Variants in DNAJB4 observed in about 807,000 individuals in gnomAD.
DNAJB4 encodes the protein dnaJ homolog subfamily B member 4.
In DNAJB4, 10 loss-of-function variants were observed where a neutral mutation model predicts 26.6. That is an observed-to-expected ratio of 0.38 (90% CI 0.23 to 0.64). The LOEUF is 0.64. Ranked by LOEUF, DNAJB4 falls within the 30% of genes least tolerant of loss-of-function variation. The probability of loss-of-function intolerance (pLI) is 0.58; values close to 1 mark genes in which losing one functional copy is unlikely to be tolerated. For missense variants in DNAJB4, 328 were observed against 408.2 expected (o/e 0.80, Z 1.69); for synonymous variants, 136 against 134.8 (o/e 1.01, Z -0.06).
At chr1:77,998,837 T>C (rs900816658) in intron 1 of DNAJB4, among the ~76,000 whole-genome samples, 1 of 111,364 alleles carries the variant, frequency 9.0e-6, no homozygotes, top group Non-Finnish European at 2.1e-5. Flanking sequence ...AGTGAGATCC[T>C]GTCTCTAAAT....
chr1:78,001,894 A>G (rs1332777284), upstream of DNAJB4, among the ~76,000 whole-genome samples: 1 of 152,224 alleles, frequency 6.6e-6, no homozygotes, highest in Non-Finnish European at 1.5e-5. Flanking sequence ...ATGTTTGAGT[A>G]GCAAAGTAAA....
intron 1 of DNAJB4, among the ~76,000 whole-genome samples, chr1:78,009,827 T>C (rs1219282357): frequency 6.6e-6 from 1 of 152,180 alleles, no homozygotes; most frequent in Non-Finnish European, 1.5e-5. Context: ...GGTTTCACCA[T>C]GTTGGTCAGG....
intron 1 of DNAJB4, among the ~76,000 whole-genome samples, chr1:77,987,926 A>G (rs1420885460): frequency 6.8e-6 from 1 of 148,130 alleles, no homozygotes; most frequent in Non-Finnish European, 1.5e-5. Context: ...ATATATGTAC[A>G]TATATATACA....
chr1:78,016,079 T>C lies in DNAJB4; in HGVS notation c.846T>C (p.Asn282=), dbSNP rs1189517139. The C allele has an allele frequency of 1.9e-6, 3 of 1,613,936 alleles. No homozygotes were observed. In the Admixed American group the frequency reaches 5.0e-5, roughly 27 times the overall value. Residue 282 remains asparagine, a synonymous_variant, in exon 3 of 3, where the codon AAT becomes AAC. Coordinates refer to ENST00000370763, the MANE Select transcript of DNAJB4 (RefSeq NM_007034.5). The stretch of plus-strand genomic sequence containing the variant: ...GAAGAAACATACCTATGTCAGTAAA[T>C]GATATTGTGAAACCCGGAATGAGGA... ...LDGRNIPMSV[N]DIVKPGMRRR...
At chr1:77,990,298 T>C (rs1415643390) in intron 1 of DNAJB4, among the ~76,000 whole-genome samples, 1 of 152,216 alleles carries the variant, frequency 6.6e-6, no homozygotes. Flanking sequence ...TCTTTGATTC[T>C]TTCCAAAAAT....
chr1:77,989,238 T>C (rs567145563), intron 1 of DNAJB4, among the ~76,000 whole-genome samples: 1 of 152,226 alleles, frequency 6.6e-6, no homozygotes, highest in Non-Finnish European at 1.5e-5. Context: ...CTACTGGTAC[T>C]CTTGGTATCA....
In DNAJB4 at chr1:77,995,643, G is replaced by A. The variant is rs537075702; in HGVS notation, c.-31-9437G>A. Among the ~76,000 whole-genome samples, 7 of 152,210 alleles carry A rather than the reference G, an allele frequency of 4.6e-5. No homozygotes were observed. The East Asian group carries it at 1.2e-3, about 25-fold the overall frequency. On this transcript the variant is annotated intron_variant, in intron 1 of 2. Transcript: ENST00000426517. ...AATCTGTTTTATTTTTTGTAGATACGAGGTCTCACTATGTTGCTCAGCTGG... is the reference window on the plus strand; with the variant it reads ...AATCTGTTTTATTTTTTGTAGATACAAGGTCTCACTATGTTGCTCAGCTGG...
At position 78,013,251 on chromosome 1, in the gene DNAJB4, A is replaced by T. The variant is rs754161604; in HGVS notation, c.412A>T (p.Ser138Cys). The change falls in exon 2 of 3, where the codon AGC becomes TGC. Residue 138 changes from serine to cysteine, a missense_variant. Coordinates refer to ENST00000370763, the MANE Select transcript of DNAJB4 (RefSeq NM_007034.5). Reference sequence around the variant, plus strand: ...TGATCCTTTTAGTGCCTTTGGTTTCAGCATGAATGGATATCCAAGAGACAG... The same window carrying T: ...TGATCCTTTTAGTGCCTTTGGTTTCTGCATGAATGGATATCCAAGAGACAG... Reference protein sequence around the residue: ...DGDPFSAFGFSMNGYPRDRNS... With the variant: ...DGDPFSAFGFCMNGYPRDRNS... The T allele has an allele frequency of 2.5e-6, 4 of 1,614,236 alleles. No individual in the cohort carries two copies. The Admixed American group carries it at 6.7e-5, about 27-fold the overall frequency.
intron 1 of DNAJB4, among the ~76,000 whole-genome samples, chr1:78,008,980 GTTA>G (rs1015476409): frequency 6.6e-6 from 1 of 151,782 alleles, no homozygotes; most frequent in African/African-American, 2.4e-5. Flanking sequence ...TCCTTATTTT[GTTA>G]TTGCATATGA....
chr1:77,987,020 C>G (rs1659807654), intron 1 of DNAJB4, among the ~76,000 whole-genome samples: 1 of 152,188 alleles, frequency 6.6e-6, no homozygotes, highest in Non-Finnish European at 1.5e-5. Flanking sequence ...CCTGCCACAA[C>G]TGCCAATCTT....
At chr1:78,013,869 A>C (rs139995861) in intron 2 of DNAJB4, among the ~76,000 whole-genome samples, 15 of 152,260 alleles carry the variant, frequency 9.9e-5, no homozygotes, top group Admixed American at 5.9e-4. Context: ...GCTTTTACAA[A>C]TGTGGTTTAT....
At chr1:77,993,639 G>T (rs1659991110) in intron 1 of DNAJB4, among the ~76,000 whole-genome samples, 1 of 152,128 alleles carries the variant, frequency 6.6e-6, no homozygotes, top group Middle Eastern at 3.4e-3. Flanking sequence ...ACTCCTTAAG[G>T]GTAGGGACTA....
chr1:77,984,440 ATTTC>A (rs374349155), intron 1 of DNAJB4, among the ~76,000 whole-genome samples: 3,680 of 152,122 alleles, frequency 0.024, 45 homozygotes, highest in Middle Eastern at 0.062. Flanking sequence ...GGGAATCTAT[ATTTC>A]TTTCTTTCTT....
At chr1:77,995,172 G>A (rs1660031151) in intron 1 of DNAJB4, among the ~76,000 whole-genome samples, 1 of 152,062 alleles carries the variant, frequency 6.6e-6, no homozygotes, top group Non-Finnish European at 1.5e-5. Context: ...TTGATAATTT[G>A]TATTTTGATT....
intron 1 of DNAJB4, among the ~76,000 whole-genome samples, chr1:77,990,741 C>T (rs1659913162): frequency 1.3e-5 from 2 of 152,234 alleles, no homozygotes; most frequent in Admixed American, 1.3e-4. Context: ...AATCCTTCCT[C>T]TTCTCTACAT....
upstream of DNAJB4, among the ~76,000 whole-genome samples, chr1:78,003,864 CAG>C (rs1485921566): frequency 1.3e-5 from 2 of 151,890 alleles, no homozygotes; most frequent in Admixed American, 1.3e-4. Flanking sequence ...TTATAGAAAA[CAG>C]AATTAGAAGT....
chr1:78,001,097 G>A (rs1660181289), upstream of DNAJB4, among the ~76,000 whole-genome samples: 1 of 152,110 alleles, frequency 6.6e-6, no homozygotes, highest in Non-Finnish European at 1.5e-5. Context: ...GTAATCCCAG[G>A]ATCTTGGGAG....
intron 1 of DNAJB4, among the ~76,000 whole-genome samples, chr1:77,999,097 T>G (rs981713801): frequency 3.3e-5 from 5 of 152,332 alleles, no homozygotes; most frequent in Admixed American, 1.3e-4. Context: ...GCTTACTGGT[T>G]TTTTAGGAAA....
At chr1:77,997,314 CAAAAAA>C (rs371562329) in intron 1 of DNAJB4, among the ~76,000 whole-genome samples, 4 of 67,670 alleles carry the variant, frequency 5.9e-5, no homozygotes, top group Admixed American at 1.6e-4. Flanking sequence ...CCTGTCTCTA[CAAAAAA>C]AAAAAAAAAA....
Sources: allele counts gnomAD v4.1 joint callset (sites outside exome capture counted in the v4.1 genomes callset), GRCh38; gene constraint gnomAD v4.1.1; transcripts MANE v1.5; gene names NCBI Gene and HGNC (gene_info 2026-07-23, HGNC 2026-07-21).